RETREG1: variants seen among roughly 807,000 people sequenced by gnomAD.
RETREG1 encodes family with sequence similarity 134 member B.
In RETREG1, 44 loss-of-function variants were observed where a neutral mutation model predicts 54.8. The ratio of observed to expected loss-of-function variants is 0.80; its 90% confidence interval spans 0.63 to 1.03. The LOEUF (loss-of-function observed/expected upper bound fraction) is 1.03. Ranked by LOEUF, RETREG1 falls within the 50% of genes least tolerant of loss-of-function variation. The pLI is 0.00. For missense variants in RETREG1, 554 were observed against 605.1 expected, an observed-to-expected ratio of 0.92 and a Z score of 0.89; for synonymous variants, 217 against 238.5, an observed-to-expected ratio of 0.91 and a Z score of 0.83.
chr5:16,549,367 T>G (rs150132199), intron 3 of RETREG1, among the ~76,000 whole-genome samples: 1 of 152,280 alleles, frequency 6.6e-6, no homozygotes, highest in Non-Finnish European at 1.5e-5. Context: ...CCCCCCCTAT[T>G]TCCACTAGGG....
At chr5:16,554,458 C>T (rs1226688110) in intron 3 of RETREG1, among the ~76,000 whole-genome samples, 1 of 152,196 alleles carries the variant, frequency 6.6e-6, no homozygotes, top group Non-Finnish European at 1.5e-5. Context: ...CACCTCCCCA[C>T]ATTCACCCTG....
At chr5:16,479,410 T>C (rs1229789555) in intron 5 of RETREG1, among the ~76,000 whole-genome samples, 1 of 152,150 alleles carries the variant, frequency 6.6e-6, no homozygotes, top group Non-Finnish European at 1.5e-5. Context: ...GGTTTAACTG[T>C]GTTTATTCAA....
At chr5:16,482,474 A>C (rs1738820038) in intron 4 of RETREG1, among the ~76,000 whole-genome samples, 1 of 151,270 alleles carries the variant, frequency 6.6e-6, no homozygotes, top group Admixed American at 6.6e-5. Flanking sequence ...GCCTTCAATG[A>C]ATAAAAAAAA....
At chr5:16,563,899 T>C (rs1399184164) in intron 3 of RETREG1, among the ~76,000 whole-genome samples, 4 of 152,222 alleles carry the variant, frequency 2.6e-5, no homozygotes, top group Non-Finnish European at 5.9e-5. Flanking sequence ...TCACTGTACA[T>C]ATTTTGTCAT....
At chr5:16,599,488 C>A (rs1168468630) in intron 1 of RETREG1, among the ~76,000 whole-genome samples, 5 of 152,136 alleles carry the variant, frequency 3.3e-5, no homozygotes, top group African/African-American at 4.8e-5. Context: ...AAGAGAAATT[C>A]TTCTTCTCAA....
intron 3 of RETREG1, among the ~76,000 whole-genome samples, chr5:16,544,474 G>A (rs1741336306): frequency 1.3e-5 from 2 of 152,018 alleles, no homozygotes; most frequent in African/African-American, 4.8e-5. Flanking sequence ...CAATAATATT[G>A]TATCTAAGAA....
intron 3 of RETREG1, among the ~76,000 whole-genome samples, chr5:16,496,860 C>T (rs1739482931): frequency 6.6e-6 from 1 of 152,150 alleles, no homozygotes; most frequent in South Asian, 2.1e-4. Flanking sequence ...GTTGGCTATA[C>T]AACTCTGCCA....
rs998394810 is a variant in RETREG1 at position 16,585,128 on chromosome 5, G to A, written c.321-13026C>T. The stretch of plus-strand genomic sequence containing the variant: ...AAGATATCAATCACAGGGAAATGGT[G>A]GGTAGTAACAATCAGAGTCTGCTGC... On this transcript the variant is annotated intron_variant, in intron 1 of 8. Transcript: ENST00000306320. The surrounding 1 kb of genome is among the most constrained non-coding windows in gnomAD (Gnocchi z 4.5). Among the ~76,000 whole-genome samples the A allele has an allele frequency of 1.3e-5, 2 of 152,122 alleles. No individual in the cohort carries two copies. Among genetic ancestry groups the A allele is most frequent in the Admixed American group, 6.6e-5 (1 of 15,264 alleles).
At chr5:16,546,562 T>C (rs1013752740) in intron 3 of RETREG1, among the ~76,000 whole-genome samples, 4 of 152,174 alleles carry the variant, frequency 2.6e-5, no homozygotes, top group African/African-American at 4.8e-5. Flanking sequence ...ATAGTAGAAA[T>C]AGGAGACACA....
At chr5:16,548,749 T>TG (rs1741454216) in intron 3 of RETREG1, among the ~76,000 whole-genome samples, 1 of 152,246 alleles carries the variant, frequency 6.6e-6, no homozygotes, top group Non-Finnish European at 1.5e-5. Flanking sequence ...TACACCTTAC[T>TG]ATTTTGTCTG....
At chr5:16,601,437 C>T (rs1051086691) in intron 1 of RETREG1, among the ~76,000 whole-genome samples, 3 of 150,654 alleles carry the variant, frequency 2.0e-5, no homozygotes, top group African/African-American at 7.4e-5. Flanking sequence ...TGCTGTGTCG[C>T]CCAGGCTGGA....
At chr5:16,529,424 C>T (rs1740842484) in intron 3 of RETREG1, among the ~76,000 whole-genome samples, 1 of 152,158 alleles carries the variant, frequency 6.6e-6, no homozygotes, top group Non-Finnish European at 1.5e-5. Flanking sequence ...CTTGAATTAG[C>T]AGCTTGACTG....
intron 3 of RETREG1, chr5:16,508,721 G>A (rs1740063020): frequency 1.4e-6 from 2 of 1,405,588 alleles, no homozygotes; most frequent in Non-Finnish European, 1.9e-6. Context: ...AATATCAGGA[G>A]GAAAAAAACC....
chr5:16,579,235 T>C (rs1353670487), intron 1 of RETREG1, among the ~76,000 whole-genome samples: 2 of 152,210 alleles, frequency 1.3e-5, no homozygotes, highest in Non-Finnish European at 2.9e-5. Flanking sequence ...TTGAATCCTG[T>C]ATCCCTTCAG....
chr5:16,564,961 A>C (rs1335829163), intron 3 of RETREG1, among the ~76,000 whole-genome samples: 1 of 152,198 alleles, frequency 6.6e-6, no homozygotes, highest in Non-Finnish European at 1.5e-5. Context: ...TCATTTTGTG[A>C]TGCCCACTTA....
intron 3 of RETREG1, among the ~76,000 whole-genome samples, chr5:16,548,314 C>T (rs1343807022): frequency 6.6e-6 from 1 of 152,032 alleles, no homozygotes; most frequent in Non-Finnish European, 1.5e-5. Flanking sequence ...GTGAAATGTA[C>T]CTGAGTTACT....
At chr5:16,485,398 G>C (rs147819181) in intron 3 of RETREG1, among the ~76,000 whole-genome samples, 1 of 152,128 alleles carries the variant, frequency 6.6e-6, no homozygotes, top group Non-Finnish European at 1.5e-5. Context: ...ATAACTCCTG[G>C]CCTCAAACAA....
At chr5:16,483,179 C>T (rs537979837) in intron 4 of RETREG1, 167 bp downstream of exon 4, 27 of 715,574 alleles carry the variant, frequency 3.8e-5, no homozygotes, top group East Asian at 1.6e-4. Context: ...ATCTAGTGTT[C>T]GCACACTCAC....
At chr5:16,530,999 T>C (rs1740901408) in intron 3 of RETREG1, among the ~76,000 whole-genome samples, 1 of 152,058 alleles carries the variant, frequency 6.6e-6, no homozygotes, top group Non-Finnish European at 1.5e-5. Context: ...AAGGGGAGAA[T>C]AAGGAAGGAG....
Sources: allele counts gnomAD v4.1 joint callset (sites outside exome capture counted in the v4.1 genomes callset), GRCh38; gene constraint gnomAD v4.1.1; non-coding constraint Gnocchi (gnomAD v3.1); transcripts MANE v1.5; gene names NCBI Gene and HGNC (gene_info 2026-07-23, HGNC 2026-07-21).